DSCAML1: variants seen among roughly 807,000 people sequenced by gnomAD.
DSCAML1 encodes the protein DS cell adhesion molecule like 1.
DSCAML1 carries 38 observed loss-of-function variants against 200.5 expected under a neutral mutation model. The observed-to-expected ratio is 0.19, with a 90% CI of 0.15 to 0.25. The LOEUF is 0.25. Among genes scored for constraint, DSCAML1 ranks in the 10% least tolerant of loss-of-function variants. The pLI, the probability that DSCAML1 is intolerant of heterozygous loss-of-function variation, is 1.00. For missense variants in DSCAML1, 2,223 were observed against 2,858.8 expected, an observed-to-expected ratio of 0.78 and a Z score of 5.07; for synonymous variants, 1,215 against 1,165.0, an observed-to-expected ratio of 1.04 and a Z score of -0.87.
At chr11:117,809,870 T>G (rs2055742601) in intron 1 of DSCAML1, among the ~76,000 whole-genome samples, 1 of 151,224 alleles carries the variant, frequency 6.6e-6, no homozygotes, top group Non-Finnish European at 1.5e-5. Flanking sequence ...CACTTACACA[T>G]TCACATACTC....
At chr11:117,779,008 G>A (rs763463341) in intron 2 of DSCAML1, among the ~76,000 whole-genome samples, 3 of 152,304 alleles carry the variant, frequency 2.0e-5, no homozygotes, top group Non-Finnish European at 4.4e-5. Flanking sequence ...ACACACTCCC[G>A]TTCCCAGCTA....
At chr11:117,740,809 T>G (rs2054407925) in intron 3 of DSCAML1, among the ~76,000 whole-genome samples, 1 of 152,188 alleles carries the variant, frequency 6.6e-6, no homozygotes, top group Non-Finnish European at 1.5e-5. Flanking sequence ...GGCCACAGAT[T>G]TGTTGCTGCA....
At chr11:117,430,154 G>A (rs1409066828) in intron 32 of DSCAML1, among the ~76,000 whole-genome samples, 1 of 152,222 alleles carries the variant, frequency 6.6e-6, no homozygotes, top group Non-Finnish European at 1.5e-5. Context: ...CAGCCTCTAA[G>A]GGCATATGCT....
rs1182660051 is a variant in DSCAML1 at position 117,780,290 on chromosome 11, A to AAGAAAGAAAGAAAGAAAGAAAGAC, written c.364+202_364+203insGTCTTTCTTTCTTTCTTTCTTTCT. Among the ~76,000 whole-genome samples, 465 of 100,202 alleles carry AAGAAAGAAAGAAAGAAAGAAAGAC rather than the reference A, an allele frequency of 4.6e-3. 8 individuals are homozygous for AAGAAAGAAAGAAAGAAAGAAAGAC. Among genetic ancestry groups the AAGAAAGAAAGAAAGAAAGAAAGAC allele is most frequent in the Non-Finnish European group, 7.8e-3 (324 of 41,536 alleles). The allele number at this position is 100,202 out of a possible 152,430, so 65.7% of individuals were successfully genotyped here. On this transcript the variant is annotated intron_variant, in intron 2 of 32. Coordinates refer to ENST00000651296, the MANE Select transcript of DSCAML1 (RefSeq NM_020693.4). This position sits in a 1 kb window ranked among gnomAD's most constrained non-coding sequence, Gnocchi z 4.8. The stretch of plus-strand genomic sequence containing the variant: ...AAAGAAAGAAAGAAAGAAAGAAAGA[A>AAGAAAGAAAGAAAGAAAGAAAGAC]AGAAAGAAAGAAAGAGAGAAAGGAG...
intron 3 of DSCAML1, among the ~76,000 whole-genome samples, chr11:117,725,725 C>G (rs2054115427): frequency 6.6e-6 from 1 of 152,184 alleles, no homozygotes; most frequent in Non-Finnish European, 1.5e-5. Flanking sequence ...CCCCTGAACC[C>G]CATCTTCCAG....
chr11:117,520,085 C>T (rs1411017899), intron 6 of DSCAML1, among the ~76,000 whole-genome samples: 2 of 152,206 alleles, frequency 1.3e-5, no homozygotes, highest in Non-Finnish European at 2.9e-5. Context: ...AACCATTAAA[C>T]TTGTTTGTAA....
chr11:117,772,074 C>T (rs939015298), intron 3 of DSCAML1, among the ~76,000 whole-genome samples: 9 of 152,054 alleles, frequency 5.9e-5, no homozygotes, highest in African/African-American at 2.2e-4. Flanking sequence ...TATGTCTGGC[C>T]TCGTGGAAGA....
At chr11:117,717,189 G>C (rs1254971100) in intron 3 of DSCAML1, among the ~76,000 whole-genome samples, 1 of 152,156 alleles carries the variant, frequency 6.6e-6, no homozygotes, top group East Asian at 1.9e-4. Flanking sequence ...GGCTGCCTCC[G>C]GTCACTTGGT....
rs149014973 is a variant in DSCAML1, at chr11:117,557,073, T to C, written c.512-24551A>G. On this transcript the variant is annotated intron_variant, in intron 3 of 32. Coordinates refer to ENST00000651296, the MANE Select transcript of DSCAML1 (RefSeq NM_020693.4). ...TGGGCTAGATCTTGGGTGAGGGATCTTTCCAATAGCCATAAAGGGATTCTT... is the reference window on the plus strand; with the variant it reads ...TGGGCTAGATCTTGGGTGAGGGATCCTTCCAATAGCCATAAAGGGATTCTT... Among the ~76,000 whole-genome samples the C allele has an allele frequency of 2.2e-4, 34 of 152,270 alleles. No homozygotes were observed. The East Asian group carries it at 5.6e-3, about 25-fold the overall frequency.
At position 117,808,506 on chromosome 11, in the gene DSCAML1, C is replaced by T. The variant is rs78782950; in HGVS notation, c.-250+8884G>A. Among the ~76,000 whole-genome samples, 1,274 of 151,778 alleles carry T rather than the reference C, an allele frequency of 8.4e-3. 12 individuals carry two copies. Among genetic ancestry groups the T allele is most frequent in the Non-Finnish European group, 0.013 (885 of 68,014 alleles). On this transcript the variant is annotated intron_variant, in intron 1 of 2. Transcript: ENST00000525836. Reference sequence around the variant, plus strand: ...CCACACAACTACACATGCACACAGGCACAGGTGAGGTGAAGGAGAGAGAGA... The same window carrying T: ...CCACACAACTACACATGCACACAGGTACAGGTGAGGTGAAGGAGAGAGAGA...
intron 3 of DSCAML1, among the ~76,000 whole-genome samples, chr11:117,705,118 C>G (rs954433031): frequency 1.3e-5 from 2 of 152,282 alleles, no homozygotes; most frequent in African/African-American, 4.8e-5. Flanking sequence ...ATAGTGTGTG[C>G]ATTTGCCTTT....
At chr11:117,705,195 A>G (rs1438410841) in intron 3 of DSCAML1, among the ~76,000 whole-genome samples, 1 of 152,130 alleles carries the variant, frequency 6.6e-6, no homozygotes, top group Admixed American at 6.5e-5. Context: ...TTCGGCTGTT[A>G]TTAAAATGAG....
intron 17 of DSCAML1, 87 bp from the exon 18 acceptor site, chr11:117,461,683 C>T: frequency 1.5e-6 from 2 of 1,359,904 alleles, no homozygotes; most frequent in Admixed American, 1.9e-5. Flanking sequence ...CTGGGTCCCG[C>T]AGTCCAACCA....
chr11:117,806,415 A>G (rs1036254029), intron 1 of DSCAML1, among the ~76,000 whole-genome samples: 4 of 152,330 alleles, frequency 2.6e-5, no homozygotes, highest in Admixed American at 6.5e-5. Context: ...TCAAAGACTC[A>G]TCGGTCCAAA....
chr11:117,750,897 TG>T, intron 3 of DSCAML1, among the ~76,000 whole-genome samples: 1 of 152,140 alleles, frequency 6.6e-6, no homozygotes. Context: ...TAGGTTTCCA[TG>T]GGCAGGATGG....
intron 1 of DSCAML1, among the ~76,000 whole-genome samples, chr11:117,787,459 GT>G (rs1208921550): frequency 2.0e-5 from 3 of 152,170 alleles, no homozygotes; most frequent in Admixed American, 2.0e-4. Context: ...TCAAACATCA[GT>G]ATGCATAAGA....
chr11:117,734,639 G>C (rs2137825689), intron 3 of DSCAML1, among the ~76,000 whole-genome samples: 1 of 152,262 alleles, frequency 6.6e-6, no homozygotes. Context: ...GTGATTGCTT[G>C]GTGATTGCTT....
At chr11:117,725,602 G>A (rs1042289031) in intron 3 of DSCAML1, among the ~76,000 whole-genome samples, 15 of 152,222 alleles carry the variant, frequency 9.9e-5, no homozygotes, top group East Asian at 7.7e-4. Context: ...CATATCATCC[G>A]TTCCGATCAG....
chr11:117,810,751 C>T (rs999467828), intron 1 of DSCAML1, among the ~76,000 whole-genome samples: 23 of 152,202 alleles, frequency 1.5e-4, no homozygotes, highest in African/African-American at 5.6e-4. Flanking sequence ...CCTACAAGAG[C>T]TAAATAATTC....
Sources: gnomAD v4.1 joint callset for allele counts (sites outside exome capture counted in the v4.1 genomes callset) on GRCh38, gnomAD v4.1.1 for gene constraint, Gnocchi (gnomAD v3.1) non-coding constraint, MANE v1.5 for transcripts, NCBI Gene and HGNC (gene_info 2026-07-23, HGNC 2026-07-21) for gene names.